The following GPC5 variants were observed in gnomAD, a reference collection of about 807,000 sequenced individuals.
GPC5 encodes glypican-5.
A neutral mutation model predicts 53.9 loss-of-function variants in GPC5; 47 were observed. That is an observed-to-expected ratio of 0.87 (90% CI 0.69 to 1.11). The LOEUF (loss-of-function observed/expected upper bound fraction) is 1.11. Among genes scored for constraint, GPC5 ranks in the 50% most tolerant of loss-of-function variants. The pLI is 0.00. For missense variants in GPC5, 748 were observed against 713.1 expected (o/e 1.05, Z -0.56); for synonymous variants, 286 against 263.3 (o/e 1.09, Z -0.84).
intron 3 of GPC5, among the ~76,000 whole-genome samples, chr13:91,708,635 A>G (rs1321839863): frequency 2.6e-5 from 4 of 152,342 alleles, no homozygotes; most frequent in South Asian, 4.1e-4. Flanking sequence ...GAATATAACA[A>G]AATTCACTGA....
intron 5 of GPC5, among the ~76,000 whole-genome samples, chr13:91,823,994 AT>A (rs886790420): frequency 2.0e-4 from 31 of 152,090 alleles, no homozygotes; most frequent in African/African-American, 7.0e-4. Flanking sequence ...AATCGAGACC[AT>A]TCTTCAGGAC....
intron 2 of GPC5, among the ~76,000 whole-genome samples, chr13:91,494,081 G>A (rs13378163): frequency 0.089 from 13,397 of 151,214 alleles, 695 homozygotes; most frequent in African/African-American, 0.14. Flanking sequence ...TAGTAGAGAT[G>A]GGGTTACAAC....
chr13:91,551,982 T>C (rs1160556905), intron 2 of GPC5, among the ~76,000 whole-genome samples: 1 of 152,066 alleles, frequency 6.6e-6, no homozygotes, highest in Non-Finnish European at 1.5e-5. Flanking sequence ...ACATGAAGCC[T>C]AAAGGATCAA....
intron 7 of GPC5, among the ~76,000 whole-genome samples, chr13:92,842,199 A>C (rs1878452351): frequency 1.3e-5 from 2 of 152,156 alleles, no homozygotes; most frequent in African/African-American, 4.8e-5. Context: ...GATTTTGCCC[A>C]ACTTACAAAC....
intron 7 of GPC5, among the ~76,000 whole-genome samples, chr13:92,287,529 C>T (rs2042964694): frequency 6.6e-6 from 1 of 151,234 alleles, no homozygotes; most frequent in Non-Finnish European, 1.5e-5. Context: ...TATTGAAGCT[C>T]TTTTATTTGC....
At chr13:92,094,520 CAAAAAAAAAAA>C (rs71200562) in intron 6 of GPC5, among the ~76,000 whole-genome samples, 1 of 68,224 alleles carries the variant, frequency 1.5e-5, no homozygotes, top group East Asian at 5.7e-4. Context: ...GACTCCGTCT[CAAAAAAAAAAA>C]AAAAAAAAAA....
intron 7 of GPC5, among the ~76,000 whole-genome samples, chr13:92,457,236 C>T (rs1041960822): frequency 6.6e-6 from 1 of 152,004 alleles, no homozygotes; most frequent in African/African-American, 2.4e-5. Flanking sequence ...TTTCTTTATC[C>T]AATCCACCAC....
chr13:92,757,000 C>A (rs1874909525), intron 7 of GPC5, among the ~76,000 whole-genome samples: 1 of 151,844 alleles, frequency 6.6e-6, no homozygotes, highest in East Asian at 1.9e-4. Context: ...TCATATGGAA[C>A]CAAAAAAGAG....
intron 7 of GPC5, among the ~76,000 whole-genome samples, chr13:92,436,330 T>A (rs1877304207): frequency 6.6e-6 from 1 of 152,196 alleles, no homozygotes; most frequent in Non-Finnish European, 1.5e-5. Context: ...CTGTTTCAGC[T>A]GTAACAGGAC....
At chr13:91,957,360 T>C (rs1260201606) in intron 6 of GPC5, among the ~76,000 whole-genome samples, 1 of 152,108 alleles carries the variant, frequency 6.6e-6, no homozygotes, top group Non-Finnish European at 1.5e-5. Context: ...ACATTTTAGG[T>C]ATCCCAGGAG....
At chr13:92,808,818 T>C (rs2138795761) in intron 7 of GPC5, among the ~76,000 whole-genome samples, 1 of 152,072 alleles carries the variant, frequency 6.6e-6, no homozygotes, top group East Asian at 1.9e-4. Flanking sequence ...TTTAGTGGTA[T>C]AATCAACAGC....
chr13:91,448,672 G>T, intron 1 of GPC5, 89 bp from the exon 2 acceptor site: 1 of 1,323,504 alleles, frequency 7.6e-7, no homozygotes, highest in Non-Finnish European at 1.0e-6. Flanking sequence ...AGTCCTTTGT[G>T]TGCAGGACTG....
intron 6 of GPC5, among the ~76,000 whole-genome samples, chr13:91,917,959 G>A (rs1377134982): frequency 1.3e-5 from 2 of 152,190 alleles, no homozygotes; most frequent in African/African-American, 2.4e-5. Flanking sequence ...TTACAGCAGC[G>A]CCTCACTACC....
chr13:92,517,713 A>T (rs1880851578), intron 7 of GPC5, among the ~76,000 whole-genome samples: 1 of 152,160 alleles, frequency 6.6e-6, no homozygotes, highest in Non-Finnish European at 1.5e-5. Flanking sequence ...AGGTAGATAA[A>T]ACCACAAAGA....
intron 2 of GPC5, among the ~76,000 whole-genome samples, chr13:91,601,433 G>A (rs753402780): frequency 1.3e-5 from 2 of 152,130 alleles, no homozygotes; most frequent in African/African-American, 2.4e-5. Flanking sequence ...ATGAGATAGG[G>A]CAGGGATCCC....
chr13:92,771,140 C>T (rs1875597928), intron 7 of GPC5, among the ~76,000 whole-genome samples: 1 of 152,102 alleles, frequency 6.6e-6, no homozygotes, highest in Non-Finnish European at 1.5e-5. Flanking sequence ...GACCTCATTA[C>T]AGCCTGTCAG....
intron 7 of GPC5, among the ~76,000 whole-genome samples, chr13:92,158,216 A>G (rs2139001962): frequency 6.6e-6 from 1 of 152,314 alleles, no homozygotes; most frequent in Admixed American, 6.5e-5. Flanking sequence ...TTCCTGGAGC[A>G]CCACTTTTGA....
At chr13:92,432,936 C>T (rs1877157158) in intron 7 of GPC5, among the ~76,000 whole-genome samples, 1 of 151,844 alleles carries the variant, frequency 6.6e-6, no homozygotes, top group Non-Finnish European at 1.5e-5. Flanking sequence ...ATGTTTATAA[C>T]CTGCAACTAG....
chr13:92,553,579 A>G (rs1160974752), intron 7 of GPC5, among the ~76,000 whole-genome samples: 1 of 151,920 alleles, frequency 6.6e-6, no homozygotes, highest in East Asian at 1.9e-4. Context: ...GGGACCATAT[A>G]GGGCCGTAGA....
Sources: gnomAD v4.1 joint callset for allele counts (sites outside exome capture counted in the v4.1 genomes callset) on GRCh38, gnomAD v4.1.1 for gene constraint, MANE v1.5 for transcripts, NCBI Gene and HGNC (gene_info 2026-07-23, HGNC 2026-07-21) for gene names.